Variants in AGFG1 observed in about 807,000 individuals in gnomAD.
The protein encoded by AGFG1 is arf-GAP domain and FG repeat-containing protein 1.
Under a neutral mutation model 60.6 loss-of-function variants are expected in AGFG1, and 10 were observed. The ratio of observed to expected loss-of-function variants is 0.16; its 90% CI spans 0.10 to 0.28. The LOEUF (loss-of-function observed/expected upper bound fraction) is 0.28, where lower values mean the gene tolerates loss of function less well. AGFG1 is among the 10% of genes least tolerant of loss of function. AGFG1 has a pLI of 1.00. For synonymous variants in AGFG1, 247 were observed against 242.9 expected, an observed-to-expected ratio of 1.02 and a Z score of -0.16; for missense variants, 537 against 676.5, an observed-to-expected ratio of 0.79 and a Z score of 2.29.
chr2:227,474,190 A>G (rs1397894812), intron 1 of AGFG1, among the ~76,000 whole-genome samples: 1 of 152,218 alleles, frequency 6.6e-6, no homozygotes, highest in Admixed American at 6.5e-5. Flanking sequence ...GAAAGTTGTT[A>G]CTTACGTTGG....
At chr2:227,531,007 A>T (rs569710903) in intron 5 of AGFG1, 84 bp from the exon 6 acceptor site, 1 of 1,249,536 alleles carries the variant, frequency 8.0e-7, no homozygotes, top group Non-Finnish European at 1.1e-6. Flanking sequence ...GAAACTTTTC[A>T]TATAATTCTT....
At chr2:227,525,839 GT>G (rs1470993338) in intron 5 of AGFG1, among the ~76,000 whole-genome samples, 1 of 152,154 alleles carries the variant, frequency 6.6e-6, no homozygotes, top group Admixed American at 6.5e-5. Context: ...ATTTTGGATT[GT>G]GTTTTTATAA....
intron 2 of AGFG1, among the ~76,000 whole-genome samples, chr2:227,496,899 T>G (rs1372355919): frequency 6.6e-6 from 1 of 152,214 alleles, no homozygotes; most frequent in African/African-American, 2.4e-5. Context: ...ATTCGGGTTA[T>G]GTATTTAAAC....
intron 2 of AGFG1, among the ~76,000 whole-genome samples, chr2:227,501,140 G>A (rs926081398): frequency 6.6e-6 from 1 of 152,138 alleles, no homozygotes; most frequent in South Asian, 2.1e-4. Flanking sequence ...GGCTGGAGTA[G>A]TGTGATCTTG....
chr2:227,538,901 C>T (rs1321813402), intron 10 of AGFG1, among the ~76,000 whole-genome samples: 3 of 152,026 alleles, frequency 2.0e-5, no homozygotes, highest in South Asian at 4.1e-4. Context: ...AAAGGTAAAA[C>T]GACAGTGTCC....
At chr2:227,483,916 GTTTTC>G (rs1250983639) in intron 1 of AGFG1, among the ~76,000 whole-genome samples, 2 of 151,944 alleles carry the variant, frequency 1.3e-5, no homozygotes, top group Admixed American at 1.3e-4. Flanking sequence ...GTGGAATTCC[GTTTTC>G]TTTTTTTTAT....
chr2:227,479,211 A>G (rs920668322), intron 1 of AGFG1, among the ~76,000 whole-genome samples: 3 of 152,188 alleles, frequency 2.0e-5, no homozygotes, highest in African/African-American at 4.8e-5. Context: ...TACCTTTTAT[A>G]CTGGGAAAAC....
intron 5 of AGFG1, among the ~76,000 whole-genome samples, chr2:227,525,679 C>A (rs1260756135): frequency 6.6e-6 from 1 of 152,212 alleles, no homozygotes; most frequent in African/African-American, 2.4e-5. Context: ...TAGTTGATTG[C>A]ACCACTATGG....
rs1692930449 is a variant in AGFG1 at position 227,554,984 on chromosome 2, A to T, written c.*489A>T. On this transcript the variant is annotated 3_prime_UTR_variant, in exon 13 of 13. Coordinates refer to ENST00000310078, the MANE Select transcript of AGFG1 (RefSeq NM_004504.5). ...AATTGGAAGGTTTTATTCATTCTTG[A>T]ATTTTTCCTTTCTAAAGAGCTCTTC... 6.5e-6 allele frequency: 1 copy of T among 152,726 alleles called. No individual in the cohort carries two copies. The highest frequency in any genetic ancestry group is 1.5e-5 in the Non-Finnish European group (1 of 68,110). The allele number at this position is 152,726 out of a possible 1,614,324, so 9.5% of individuals were successfully genotyped here.
chr2:227,485,243 C>CT lies in AGFG1; in HGVS notation c.168-6285dup, dbSNP rs71036201. On this transcript the variant is annotated intron_variant, in intron 1 of 12. Transcript: ENST00000310078. Reference sequence around the variant, plus strand: ...TCTTTGAAGTTTCACCGAATCGTTTCTTTTTTTTTTTTTTTTTTTGAGACA... The same window carrying CT: ...TCTTTGAAGTTTCACCGAATCGTTTCTTTTTTTTTTTTTTTTTTTTGAGACA... Among the ~76,000 whole-genome samples, 302 of 110,542 alleles carry CT rather than the reference C, an allele frequency of 2.7e-3. 2 individuals carry two copies. The highest frequency in any genetic ancestry group is 7.0e-3 in the African/African-American group (197 of 28,264). The allele number at this position is 110,542 out of a possible 152,430, so 72.5% of individuals were successfully genotyped here. A position where few individuals can be genotyped will look rare whatever the true frequency, so the allele number is the denominator to read the frequency against.
At chr2:227,484,688 GTTTTTTTTTTTT>G (rs745570416) in intron 1 of AGFG1, among the ~76,000 whole-genome samples, 2 of 25,120 alleles carry the variant, frequency 8.0e-5, no homozygotes, top group Middle Eastern at 0.045. Context: ...TTTTTTTTTT[GTTTTTTTTTTTT>G]TTTTTTTTTT....
chr2:227,497,567 C>T (rs574447149), intron 2 of AGFG1, among the ~76,000 whole-genome samples: 103 of 151,330 alleles, frequency 6.8e-4, no homozygotes, highest in Non-Finnish European at 1.1e-3. Flanking sequence ...GTAAGATTTA[C>T]AAAAAAAAAT....
At chr2:227,481,288 A>G (rs1422497727) in intron 1 of AGFG1, among the ~76,000 whole-genome samples, 1 of 151,926 alleles carries the variant, frequency 6.6e-6, no homozygotes, top group East Asian at 1.9e-4. Flanking sequence ...AGCTTTCCAC[A>G]TGGTCCCTAA....
chr2:227,545,616 TTGA>T (rs1692623577), intron 10 of AGFG1, among the ~76,000 whole-genome samples: 1 of 152,236 alleles, frequency 6.6e-6, no homozygotes, highest in Non-Finnish European at 1.5e-5. Context: ...CCTTTGGTCT[TTGA>T]TGATGGTGAC....
chr2:227,536,839 A>G, intron 9 of AGFG1, 62 bp from the exon 10 acceptor site: 1 of 1,544,028 alleles, frequency 6.5e-7, no homozygotes, highest in Non-Finnish European at 8.8e-7. Flanking sequence ...ATAGTGAAAT[A>G]ATTTAAATCT....
intron 1 of AGFG1, among the ~76,000 whole-genome samples, chr2:227,476,518 C>CT (rs1690285031): frequency 6.6e-6 from 1 of 152,188 alleles, no homozygotes; most frequent in Non-Finnish European, 1.5e-5. Context: ...GAGGTTGCCA[C>CT]TTTAATACCA....
rs1693024401 is a variant in AGFG1, at chr2:227,557,999, C to CA, written c.*3505dup. ...GAACAGTATTTACTTGCAGGGCAAACATAACTATTCCCTGGGTTTTTTTTG... is the reference window on the plus strand; with the variant it reads ...GAACAGTATTTACTTGCAGGGCAAACAATAACTATTCCCTGGGTTTTTTTTG... On this transcript the variant is annotated 3_prime_UTR_variant, in exon 13 of 13. Transcript: ENST00000310078. The CA allele has an allele frequency of 6.6e-6, 1 of 152,216 alleles. No homozygotes were observed. Among genetic ancestry groups the CA allele is most frequent in the South Asian group, 2.1e-4 (1 of 4,836 alleles). The allele number at this position is 152,216 out of a possible 1,614,324, so 9.4% of individuals were successfully genotyped here. A position where few individuals can be genotyped will look rare whatever the true frequency, so the allele number is the denominator to read the frequency against.
intron 1 of AGFG1, among the ~76,000 whole-genome samples, chr2:227,482,667 A>G (rs1226677116): frequency 2.0e-5 from 3 of 152,230 alleles, no homozygotes; most frequent in Admixed American, 6.5e-5. Flanking sequence ...AATTAATAAA[A>G]CTAACTAAAT....
intron 2 of AGFG1, among the ~76,000 whole-genome samples, chr2:227,515,741 C>T (rs776986593): frequency 6.6e-6 from 1 of 152,082 alleles, no homozygotes; most frequent in African/African-American, 2.4e-5. Flanking sequence ...TTAGTTCATT[C>T]TCTCCCTTTT....
Sources: gnomAD v4.1 joint callset for allele counts (sites outside exome capture counted in the v4.1 genomes callset) on GRCh38, gnomAD v4.1.1 for gene constraint, MANE v1.5 for transcripts, NCBI Gene and HGNC (gene_info 2026-07-23, HGNC 2026-07-21) for gene names.